The following MRC1 variants were observed in gnomAD, a reference collection of about 807,000 sequenced individuals.
MRC1 encodes the protein macrophage mannose receptor 1.
Under a neutral mutation model 102.9 loss-of-function variants are expected in MRC1, and 62 were observed. That is an observed-to-expected ratio of 0.60 (90% CI 0.49 to 0.74). MRC1 has a LOEUF of 0.74. Ranked by LOEUF, MRC1 falls within the 30% of genes least tolerant of loss-of-function variation. MRC1 has a pLI of 0.00. For missense variants in MRC1, 1,237 were observed against 862.8 expected, an observed-to-expected ratio of 1.43 and a Z score of -5.43; for synonymous variants, 457 against 298.4, an observed-to-expected ratio of 1.53 and a Z score of -5.48.
intron 22 of MRC1, among the ~76,000 whole-genome samples, chr10:17,887,496 A>G (rs1009454837): frequency 9.8e-5 from 15 of 152,356 alleles, no homozygotes; most frequent in African/African-American, 3.4e-4. Flanking sequence ...TGAGGGCTGA[A>G]AGACTTACTG....
At chr10:17,907,512 AT>A (rs782042623) in intron 27 of MRC1, 21 bp from the exon 28 acceptor site, 1 of 780,410 alleles carries the variant, frequency 1.3e-6, no homozygotes, top group African/African-American at 1.7e-5. Flanking sequence ...TTTTGTCTTT[AT>A]TGGTTTTATC....
intron 10 of MRC1, among the ~76,000 whole-genome samples, chr10:17,861,865 A>G (rs1259023627): frequency 1.3e-5 from 2 of 152,220 alleles, no homozygotes; most frequent in Admixed American, 1.3e-4. Context: ...TCTCTCCACC[A>G]AAAAAGAAGG....
chr10:17,899,665 A>G (rs2130716084), intron 24 of MRC1, among the ~76,000 whole-genome samples: 1 of 152,290 alleles, frequency 6.6e-6, no homozygotes, highest in Non-Finnish European at 1.5e-5. Context: ...TCTGATTAAT[A>G]TTATATATCA....
chr10:17,853,943 GTTT>G (rs1184146404), intron 8 of MRC1, among the ~76,000 whole-genome samples: 10 of 151,224 alleles, frequency 6.6e-5, no homozygotes, highest in East Asian at 3.9e-4. Context: ...TGGATATGAG[GTTT>G]TTTTTTTTGT....
chr10:17,873,137 C>T (rs1042523965), intron 15 of MRC1, among the ~76,000 whole-genome samples: 4 of 152,002 alleles, frequency 2.6e-5, no homozygotes, highest in African/African-American at 9.7e-5. Context: ...AACCTGAGTC[C>T]CTTTATCAGC....
At chr10:17,841,451 T>G (rs970920987) in intron 5 of MRC1, among the ~76,000 whole-genome samples, 1 of 152,216 alleles carries the variant, frequency 6.6e-6, no homozygotes, top group Non-Finnish European at 1.5e-5. Flanking sequence ...CATTAGAGGT[T>G]TCTCAACAGT....
intron 1 of MRC1, among the ~76,000 whole-genome samples, chr10:17,817,247 C>CAA (rs78486486): frequency 2.2e-5 from 2 of 89,260 alleles, no homozygotes; most frequent in African/African-American, 4.1e-5. Context: ...GACTCTGTCT[C>CAA]AAAAAAAAAA....
At chr10:17,856,690 A>C (rs1370861681) in intron 9 of MRC1, among the ~76,000 whole-genome samples, 2 of 152,284 alleles carry the variant, frequency 1.3e-5, no homozygotes, top group Middle Eastern at 3.4e-3. Context: ...CACCTTCTAT[A>C]GTAGAAGGTG....
At chr10:17,863,766 A>C (rs1215112587) in intron 11 of MRC1, 84 bp downstream of exon 11, 1 of 722,218 alleles carries the variant, frequency 1.4e-6, no homozygotes, top group Non-Finnish European at 2.5e-6. Context: ...GTATCTCTGC[A>C]AATAGACTAG....
intron 9 of MRC1, among the ~76,000 whole-genome samples, chr10:17,859,887 T>C (rs1833156205): frequency 6.6e-6 from 1 of 152,204 alleles, no homozygotes; most frequent in African/African-American, 2.4e-5. Flanking sequence ...AACTCAGGAA[T>C]TGTTTTTTTC....
chr10:17,816,918 C>G (rs1263650522), intron 1 of MRC1, among the ~76,000 whole-genome samples: 1 of 152,092 alleles, frequency 6.6e-6, no homozygotes, highest in Admixed American at 6.6e-5. Flanking sequence ...AATTTAATGA[C>G]TTGTTCAATG....
At chr10:17,818,102 C>T (rs1564608714) in intron 1 of MRC1, among the ~76,000 whole-genome samples, 1 of 152,174 alleles carries the variant, frequency 6.6e-6, no homozygotes, top group African/African-American at 2.4e-5. Flanking sequence ...TGTATTGAAA[C>T]AGAACCTTTT....
intron 17 of MRC1, among the ~76,000 whole-genome samples, chr10:17,877,228 A>G (rs1252868314): frequency 1.3e-5 from 2 of 148,452 alleles, no homozygotes; most frequent in African/African-American, 4.9e-5. Context: ...TGGCTCATAC[A>G]CAGATATAAA....
rs1424287617 is a variant in MRC1 at position 17,869,539 on chromosome 10, G to C, written c.1984-707G>C. On this transcript the variant is annotated intron_variant, in intron 12 of 29. Coordinates refer to ENST00000569591, the MANE Select transcript of MRC1 (RefSeq NM_002438.4). ...TTACCTCCTTTCTATTTGCATACTGGTGGGTGTGTCCCAGACCGTCACTGT... is the reference window on the plus strand; with the variant it reads ...TTACCTCCTTTCTATTTGCATACTGCTGGGTGTGTCCCAGACCGTCACTGT... 2.6e-5 allele frequency among the ~76,000 whole-genome samples: 4 copies of C among 152,262 alleles called. 1 individual carries two copies. The highest frequency in any genetic ancestry group is 1.9e-4 in the East Asian group (1 of 5,180).
At chr10:17,843,636 C>A (rs1482422086) in intron 5 of MRC1, among the ~76,000 whole-genome samples, 1 of 151,790 alleles carries the variant, frequency 6.6e-6, no homozygotes, top group African/African-American at 2.4e-5. Context: ...TGGACTCTAG[C>A]CTGAGTGACA....
At position 17,849,593 on chromosome 10, in the gene MRC1, A is replaced by G; in HGVS notation, c.1078A>G (p.Thr360Ala). ...FVIPSESDVP[T>A]HCPSQWWPYA... ...TTTGTTTCTAGAAAGTGATGTGCCT[A>G]CTCACTGTCCTAGTCAGTGGTGGCC... Residue 360 changes from threonine (T) to alanine (A), a missense_variant, in exon 7 of 30, where the codon ACT (threonine) becomes GCT (alanine). Thr to Ala is a moderately conservative substitution (Grantham distance 58). Transcript: ENST00000569591. 1 of 780,610 alleles carries G rather than the reference A, an allele frequency of 1.3e-6. No individual in the cohort carries two copies. Among genetic ancestry groups the G allele is most frequent in the Non-Finnish European group, 2.4e-6 (1 of 417,958 alleles). 48.4% of individuals were successfully genotyped at this position (780,610 alleles called of 1,614,324 possible). A position where few individuals can be genotyped will look rare whatever the true frequency, so the allele number is the denominator to read the frequency against.
chr10:17,909,974 A>G (rs1833947250), intron 29 of MRC1, among the ~76,000 whole-genome samples: 1 of 152,188 alleles, frequency 6.6e-6, no homozygotes, highest in Non-Finnish European at 1.5e-5. Flanking sequence ...TAATACATTG[A>G]TGAACTAGCC....
chr10:17,881,834 G>GT (rs1159143035), intron 21 of MRC1, among the ~76,000 whole-genome samples: 3,565 of 61,888 alleles, frequency 0.058, 368 homozygotes, highest in Non-Finnish European at 0.075. Context: ...ATTTTTTAAA[G>GT]TTTTTTTTTT....
chr10:17,876,246 CT>C lies in MRC1; in HGVS notation c.2550+1010del, dbSNP rs1323985210. Among the ~76,000 whole-genome samples the C allele has an allele frequency of 9.4e-3, 1,310 of 138,630 alleles. 7 individuals carry two copies. The highest frequency in any genetic ancestry group is 0.028 in the African/African-American group (1,041 of 37,758). The allele number at this position is 138,630 out of a possible 152,430, so 90.9% of individuals were successfully genotyped here. A position where few individuals can be genotyped will look rare whatever the true frequency, so the allele number is the denominator to read the frequency against. The stretch of plus-strand genomic sequence containing the variant: ...AGTGCAGAATTGCAGAACTCAGAAT[CT>C]TTTTTTTTTTTTTTTTCTGAGACAG... On this transcript the variant is annotated intron_variant, in intron 17 of 29. Transcript: ENST00000569591.
Sources: gnomAD v4.1 joint callset for allele counts (sites outside exome capture counted in the v4.1 genomes callset) on GRCh38, gnomAD v4.1.1 for gene constraint, MANE v1.5 for transcripts, NCBI Gene and HGNC (gene_info 2026-07-23, HGNC 2026-07-21) for gene names.